The following RFC1 variants were observed in gnomAD, a reference collection of about 807,000 sequenced individuals.
RFC1 encodes A1 140 kDa subunit.
A neutral mutation model predicts 137.4 loss-of-function variants in RFC1; 37 were observed. The ratio of observed to expected loss-of-function variants is 0.27; its 90% CI spans 0.21 to 0.35. RFC1 has a LOEUF of 0.35. RFC1 is among the 10% of genes least tolerant of loss of function. The probability of loss-of-function intolerance (pLI) is 1.00; values close to 1 mark genes in which losing one functional copy is unlikely to be tolerated. For missense variants in RFC1, 1,205 were observed against 1,358.5 expected (o/e 0.89, Z 1.78); for synonymous variants, 429 against 455.7 (o/e 0.94, Z 0.75).
At position 39,366,308 on chromosome 4, in the gene RFC1, C is replaced by A. The variant is rs543655175; in HGVS notation, c.-67G>T. On this transcript the variant is annotated 5_prime_UTR_variant, in exon 1 of 25. Coordinates refer to ENST00000349703, the MANE Select transcript of RFC1 (RefSeq NM_002913.5). Reference sequence around the variant, plus strand: ...CCGGTTGAGGAATCTGTTATCGAGGCTCAGGATCCATTCGCGCCAACAACT... The same window carrying A: ...CCGGTTGAGGAATCTGTTATCGAGGATCAGGATCCATTCGCGCCAACAACT... 2.7e-6 allele frequency: 4 copies of A among 1,463,014 alleles called. No individual in the cohort carries two copies. Among genetic ancestry groups the A allele is most frequent in the Non-Finnish European group, 3.6e-6 (4 of 1,101,828 alleles). 90.6% of individuals were successfully genotyped at this position (1,463,014 alleles called of 1,614,324 possible). A position where few individuals can be genotyped will look rare whatever the true frequency, so the allele number is the denominator to read the frequency against.
chr4:39,339,263 G>C (rs1740500328), intron 4 of RFC1, among the ~76,000 whole-genome samples: 1 of 152,130 alleles, frequency 6.6e-6, no homozygotes, highest in African/African-American at 2.4e-5. Flanking sequence ...TATATGCCCA[G>C]AAGAGAGACT....
chr4:39,345,623 C>T (rs1740820524), intron 2 of RFC1, 147 bp from the exon 3 acceptor site: 2 of 580,688 alleles, frequency 3.4e-6, no homozygotes, highest in Non-Finnish European at 5.9e-6. Flanking sequence ...CAGGTTCACG[C>T]CATTCTCCTG....
chr4:39,303,853 A>G (rs1043074734), intron 15 of RFC1, among the ~76,000 whole-genome samples: 4 of 152,236 alleles, frequency 2.6e-5, no homozygotes. Context: ...CTACACTTGT[A>G]TCACACACTT....
intron 4 of RFC1, among the ~76,000 whole-genome samples, chr4:39,335,814 A>G (rs1421338267): frequency 1.3e-5 from 2 of 152,222 alleles, no homozygotes; most frequent in African/African-American, 2.4e-5. Context: ...ACAAGAGGAG[A>G]GAACAGTGCT....
intron 2 of RFC1, among the ~76,000 whole-genome samples, chr4:39,346,647 C>T (rs1740876173): frequency 6.6e-6 from 1 of 151,928 alleles, no homozygotes; most frequent in South Asian, 2.1e-4. Flanking sequence ...TATTTCTATC[C>T]ATTATAATAA....
intron 11 of RFC1, among the ~76,000 whole-genome samples, chr4:39,312,330 C>T (rs764222286): frequency 5.3e-5 from 8 of 152,124 alleles, no homozygotes; most frequent in Non-Finnish European, 1.2e-4. Context: ...GTTTAATCCA[C>T]GGTTAATCAG....
At chr4:39,330,044 T>A (rs900562) in intron 4 of RFC1, among the ~76,000 whole-genome samples, 143,132 of 148,470 alleles carry the variant, frequency 0.96, 69,194 homozygotes, top group Non-Finnish European at 1. Flanking sequence ...AAAAAAAAAA[T>A]TTTTTTTTAA....
intron 4 of RFC1, among the ~76,000 whole-genome samples, chr4:39,330,906 T>TAC (rs763485501): frequency 1.4e-3 from 217 of 151,026 alleles, no homozygotes; most frequent in East Asian, 8.0e-3. Flanking sequence ...TATATATATA[T>TAC]ACACACACAC....
Position 39,288,561 on chromosome 4 carries a change from C to CT in RFC1, c.*199dup. The CT allele has an allele frequency of 2.0e-6, 1 of 506,600 alleles. No individual in the cohort carries two copies. Among genetic ancestry groups the CT allele is most frequent in the East Asian group, 3.2e-5 (1 of 31,158 alleles). 31.4% of individuals were successfully genotyped at this position (506,600 alleles called of 1,614,324 possible). ...AGGACAGTGGAGGACCCAAGCAGTCCTATCAACCTCTATAAGAGGTGTACA... is the reference window on the plus strand; with the variant it reads ...AGGACAGTGGAGGACCCAAGCAGTCCTTATCAACCTCTATAAGAGGTGTACA... On this transcript the variant is annotated 3_prime_UTR_variant, in exon 25 of 25. Transcript: ENST00000349703.
chr4:39,311,574 C>T, intron 11 of RFC1, 25 bp from the exon 12 acceptor site: 1 of 1,573,868 alleles, frequency 6.4e-7, no homozygotes, highest in Non-Finnish European at 8.7e-7. Context: ...TGTAAACCAT[C>T]AAAACTGCAT....
intron 1 of RFC1, among the ~76,000 whole-genome samples, chr4:39,357,903 G>A (rs954518952): frequency 6.6e-6 from 1 of 151,714 alleles, no homozygotes; most frequent in Non-Finnish European, 1.5e-5. Flanking sequence ...CACAGCGCCC[G>A]GCCCAGAAGC....
In RFC1 at chr4:39,300,382, T is replaced by G. The variant is rs1248996237; in HGVS notation, c.2568A>C (p.Ala856=). 3 of 1,614,046 alleles carry G rather than the reference T, an allele frequency of 1.9e-6. No homozygotes were observed. Among genetic ancestry groups the G allele is most frequent in the Non-Finnish European group, 2.5e-6 (3 of 1,179,950 alleles). Reference sequence around the variant, plus strand: ...ACATGTGAGCAGTCTCCTCTCCAGCTGCAAACACTTTCCGGGCAACATCAA... The same window carrying G: ...ACATGTGAGCAGTCTCCTCTCCAGCGGCAAACACTTTCCGGGCAACATCAA... ...GPFDVARKVF[A]AGEETAHMSL... The change falls in exon 20 of 25, where the codon GCA becomes GCC. Residue 856 remains alanine, a synonymous_variant. Coordinates refer to ENST00000349703, the MANE Select transcript of RFC1 (RefSeq NM_002913.5).
At chr4:39,345,287 T>C (rs2109738754) in intron 3 of RFC1, 114 bp downstream of exon 3, 3 of 788,948 alleles carry the variant, frequency 3.8e-6, no homozygotes, top group Non-Finnish European at 3.9e-6. Context: ...AGTGCTGCGA[T>C]TGCGATTACA....
At chr4:39,337,460 G>A (rs1740413846) in intron 4 of RFC1, among the ~76,000 whole-genome samples, 1 of 150,158 alleles carries the variant, frequency 6.7e-6, no homozygotes, top group African/African-American at 2.5e-5. Context: ...GTGTGTGTGT[G>A]TGTGTGTGTG....
chr4:39,355,396 G>C (rs1741424492), intron 1 of RFC1, among the ~76,000 whole-genome samples: 2 of 151,418 alleles, frequency 1.3e-5, no homozygotes, highest in South Asian at 4.2e-4. Context: ...TCACACCACT[G>C]TACTCCAGCC....
intron 4 of RFC1, among the ~76,000 whole-genome samples, chr4:39,338,443 T>A (rs1026076043): frequency 6.6e-6 from 1 of 152,202 alleles, no homozygotes; most frequent in African/African-American, 2.4e-5. Flanking sequence ...GCAAGCCACA[T>A]ATAAAATTTC....
chr4:39,348,484 A>AAAAGAAAAGAAAAGAAAAGAAAAG (rs1741022346), intron 2 of RFC1, among the ~76,000 whole-genome samples: 1 of 103,420 alleles, frequency 9.7e-6, no homozygotes, highest in African/African-American at 3.9e-5. Flanking sequence ...GAAAAGAAAA[A>AAAAGAAAAGAAAAGAAAAGAAAAG]GCATGTTCTA....
intron 21 of RFC1, among the ~76,000 whole-genome samples, chr4:39,299,287 T>A (rs1738209533): frequency 6.6e-6 from 1 of 152,006 alleles, no homozygotes; most frequent in Admixed American, 6.5e-5. Flanking sequence ...CACGGGTAAA[T>A]CTCTGTTCGA....
intron 22 of RFC1, among the ~76,000 whole-genome samples, chr4:39,294,479 C>T (rs906295098): frequency 7.0e-6 from 1 of 142,512 alleles, no homozygotes; most frequent in African/African-American, 2.8e-5. Flanking sequence ...CGAGACCAGC[C>T]TGACCAATAT....
Sources: gnomAD v4.1 joint callset for allele counts (sites outside exome capture counted in the v4.1 genomes callset) on GRCh38, gnomAD v4.1.1 for gene constraint, MANE v1.5 for transcripts, NCBI Gene and HGNC (gene_info 2026-07-23, HGNC 2026-07-21) for gene names.